Variants in DHX34 observed in about 807,000 individuals in gnomAD.
DHX34 encodes the protein DExH-box helicase 34.
A neutral mutation model predicts 111.1 loss-of-function variants in DHX34; 96 were observed. The ratio of observed to expected loss-of-function variants is 0.86; its 90% CI spans 0.73 to 1.02. DHX34 has a LOEUF of 1.02. Among genes scored for constraint, DHX34 ranks in the 50% least tolerant of loss-of-function variants. The pLI is 0.00. For synonymous variants in DHX34, 688 were observed against 670.4 expected (o/e 1.03, Z -0.41); for missense variants, 1,560 against 1,579.9 (o/e 0.99, Z 0.21).
chr19:47,375,607 C>T lies in DHX34; in HGVS notation c.2206C>T (p.Arg736Cys), dbSNP rs1278035178. Reference sequence around the variant, plus strand: ...GCACGAGGAGGGCGCGGGGCGCAGGCGCAAGGTGCTGCGGCTGCAGGAGGA... The same window carrying T: ...GCACGAGGAGGGCGCGGGGCGCAGGTGCAAGGTGCTGCGGCTGCAGGAGGA... Reference protein sequence around the residue: ...RQHEEGAGRRRKVLRLQEEQD... With the variant: ...RQHEEGAGRRCKVLRLQEEQD... Residue 736 changes from arginine (R) to cysteine (C), a missense_variant, in exon 10 of 17, where the codon CGC becomes TGC. Transcript: ENST00000328771. 1.5e-5 allele frequency: 23 copies of T among 1,548,292 alleles called. No homozygotes were observed. Among genetic ancestry groups the T allele is most frequent in the Admixed American group, 1.4e-4 (7 of 50,900 alleles).
rs140955733 is a variant in DHX34, at chr19:47,372,819, C to T, written c.1858C>T (p.Arg620Cys). The change falls in exon 8 of 17, where the codon CGC becomes TGC. Residue 620 changes from arginine to cysteine, a missense_variant. Physicochemically the swap from Arg to Cys is radical, Grantham distance 180. Coordinates refer to ENST00000328771, the MANE Select transcript of DHX34 (RefSeq NM_014681.6). ...AALSVQSPFTRSAQSSPECAA... is the reference protein window; with the variant it reads ...AALSVQSPFTCSAQSSPECAA... The stretch of plus-strand genomic sequence containing the variant: ...ACTTAGCGTCCAGTCGCCCTTCACC[C>T]GCAGCGCCCAGAGCAGCCCAGAGTG... 12 of 1,613,094 alleles carry T rather than the reference C, an allele frequency of 7.4e-6. No individual in the cohort carries two copies. The highest frequency in any genetic ancestry group is 2.2e-5 in the East Asian group (1 of 44,884).
At chr19:47,359,096 T>C (rs1599757222) in intron 4 of DHX34, among the ~76,000 whole-genome samples, 1 of 151,576 alleles carries the variant, frequency 6.6e-6, no homozygotes, top group South Asian at 2.1e-4. Context: ...GAAGCTGGAG[T>C]AGGATCAGAG....
chr19:47,354,976 AG>A, intron 2 of DHX34, 62 bp from the exon 3 acceptor site: 1 of 1,576,522 alleles, frequency 6.3e-7, no homozygotes, highest in Non-Finnish European at 8.6e-7. Context: ...CAATTTGGGC[AG>A]GGCCAGGGGC....
intron 9 of DHX34, among the ~76,000 whole-genome samples, chr19:47,373,999 GC>G (rs1243158350): frequency 6.6e-6 from 1 of 152,180 alleles, no homozygotes; most frequent in African/African-American, 2.4e-5. Context: ...GTTGGAGGCA[GC>G]CTACGGTTGT....
At chr19:47,371,143 A>G (rs1969953823) in intron 7 of DHX34, among the ~76,000 whole-genome samples, 1 of 152,172 alleles carries the variant, frequency 6.6e-6, no homozygotes, top group Admixed American at 6.5e-5. Context: ...CAGTGTGTAG[A>G]TGGGGAAACT....
chr19:47,373,476 C>T (rs1197125511), intron 8 of DHX34, 123 bp from the exon 9 acceptor site: 5 of 1,462,210 alleles, frequency 3.4e-6, no homozygotes, highest in African/African-American at 2.8e-5. Flanking sequence ...GGGGCTGAGA[C>T]CTGGAAGCAG....
chr19:47,377,318 GC>G, intron 13 of DHX34, 112 bp downstream of exon 13: 1 of 1,151,168 alleles, frequency 8.7e-7, no homozygotes, highest in Non-Finnish European at 1.2e-6. Flanking sequence ...ACCTGGGCTG[GC>G]CGCAGGCGTC....
At position 47,375,924 on chromosome 19, in the gene DHX34, G is replaced by C. The variant is rs1019566690; in HGVS notation, c.2308G>C (p.Asp770His). 3 of 1,601,332 alleles carry C rather than the reference G, an allele frequency of 1.9e-6. No individual in the cohort carries two copies. Among genetic ancestry groups the C allele is most frequent in the Non-Finnish European group, 2.5e-6 (3 of 1,177,008 alleles). Residue 770 changes from aspartate to histidine, a missense_variant and splice_region_variant, in exon 11 of 17, where the codon GAT becomes CAT. By Grantham distance (81) the Asp-to-His change is moderately conservative (BLOSUM62 -1). Transcript: ENST00000328771. ...CTCTGCCTCCCCGTGCTCCCCCCAG[G>C]ATGTGAAGTTCAAGCTTCGGCATGA... ...PGASDGVDIQ[D>H]VKFKLRHDLA...
chr19:47,351,797 C>T (rs77264230), intron 1 of DHX34, among the ~76,000 whole-genome samples: 1,877 of 152,264 alleles, frequency 0.012, 19 homozygotes, highest in Middle Eastern at 0.034. Flanking sequence ...ACTACTAAGA[C>T]TGGCCAGGTC....
In DHX34 at chr19:47,375,585, C is replaced by G. The variant is rs79484248; in HGVS notation, c.2184C>G (p.His728Gln). Residue 728 changes from histidine to glutamine, a missense_variant, in exon 10 of 17, where the codon CAC (histidine) becomes CAG (glutamine). Coordinates refer to ENST00000328771, the MANE Select transcript of DHX34 (RefSeq NM_014681.6). The part of the protein sequence containing the change: ...RRALHQLKRQ[H>Q]EEGAGRRRKV... Reference sequence around the variant, plus strand: ...CCCTGCACCAGCTGAAACGCCAGCACGAGGAGGGCGCGGGGCGCAGGCGCA... The same window carrying G: ...CCCTGCACCAGCTGAAACGCCAGCAGGAGGAGGGCGCGGGGCGCAGGCGCA... 2.1e-5 allele frequency: 32 copies of G among 1,546,136 alleles called. No individual in the cohort carries two copies. The highest frequency in any genetic ancestry group is 1.2e-4 in the Admixed American group (6 of 50,782).
In DHX34 at chr19:47,381,340, T is replaced by G. The variant is rs746755299; in HGVS notation, c.3298+16T>G. The G allele has an allele frequency of 1.2e-6, 2 of 1,606,064 alleles. No homozygotes were observed. The highest frequency in any genetic ancestry group is 1.7e-6 in the Non-Finnish European group (2 of 1,174,934). On this transcript the variant is annotated intron_variant, in intron 16 of 16. Coordinates refer to ENST00000328771, the MANE Select transcript of DHX34 (RefSeq NM_014681.6). ...GGGCCCCCAGGTAAGCACAGGACTGTGGGGACCCGGCCACCTCTGCCCAGC... is the reference window on the plus strand; with the variant it reads ...GGGCCCCCAGGTAAGCACAGGACTGGGGGGACCCGGCCACCTCTGCCCAGC...
intron 10 of DHX34, 44 bp from the exon 11 acceptor site, chr19:47,375,880 C>T: frequency 6.5e-7 from 1 of 1,547,122 alleles, no homozygotes; most frequent in East Asian, 2.3e-5. Flanking sequence ...ATGGTAGGAG[C>T]CCCTCAGGTC....
chr19:47,362,410 C>T (rs1040406505), intron 5 of DHX34, 66 bp from the exon 6 acceptor site: 4 of 1,432,530 alleles, frequency 2.8e-6, no homozygotes, highest in South Asian at 1.5e-5. Context: ...TGACAAGAGC[C>T]AGGCGCGTGG....
rs1002139405 is a variant in DHX34 at position 47,360,062 on chromosome 19, T to C, written c.1367T>C (p.Val456Ala). The C allele has an allele frequency of 1.9e-6, 3 of 1,613,930 alleles. No individual in the cohort carries two copies. The highest frequency in any genetic ancestry group is 2.5e-6 in the Non-Finnish European group (3 of 1,179,928). ...ACCATTGACGGGATCCGCTTCGTAG[T>C]AGATTCCGGTAAGGACCACCATGAG... ...SVTIDGIRFV[V>A]DSGKVKEMSY... The change falls in exon 5 of 17, where the codon GTA (valine) becomes GCA (alanine). Residue 456 changes from valine (V) to alanine (A), a missense_variant. By Grantham distance (64) the Val-to-Ala change is moderately conservative. Coordinates refer to ENST00000328771, the MANE Select transcript of DHX34 (RefSeq NM_014681.6).
chr19:47,379,870 G>A lies in DHX34; in HGVS notation c.2867G>A (p.Arg956Gln), dbSNP rs1233422179. The change falls in exon 14 of 17, where the codon CGG becomes CAG. Residue 956 changes from arginine to glutamine, a missense_variant. Physicochemically the swap from Arg to Gln is conservative, Grantham distance 43. Transcript: ENST00000328771. ...GCCCGCTGGGAAAGTGCCCTGGACC[G>A]GCAGCTGGCGCACCAGGCCCAGCAG... ...LRARWESALDRQLAHQAQQQL... is the reference protein window; with the variant it reads ...LRARWESALDQQLAHQAQQQL... The A allele has an allele frequency of 8.7e-6, 14 of 1,613,448 alleles. No homozygotes were observed. The highest frequency in any genetic ancestry group is 5.0e-5 in the Admixed American group (3 of 59,964).
intron 9 of DHX34, 139 bp downstream of exon 9, chr19:47,373,839 AC>A: frequency 1.7e-6 from 2 of 1,143,362 alleles, no homozygotes; most frequent in Non-Finnish European, 2.4e-6. Context: ...CCACCCGGTG[AC>A]CAGGTGTTGG....
chr19:47,377,176 G>A lies in DHX34; in HGVS notation c.2676G>A (p.Leu892=), dbSNP rs957769932. 1.2e-6 allele frequency: 2 copies of A among 1,613,918 alleles called. No individual in the cohort carries two copies. The highest frequency in any genetic ancestry group is 1.7e-5 in the Admixed American group (1 of 60,004). ...VSLLETNKPY[L]VNCVRIPALQ... ...TGCTGGAGACCAACAAGCCGTACCT[G>A]GTGAACTGCGTCCGCATCCCTGCCC... The change falls in exon 13 of 17, where the codon CTG becomes CTA. Residue 892 remains leucine (L), a synonymous_variant. Transcript: ENST00000328771.
chr19:47,375,997 G>C lies in DHX34; in HGVS notation c.2381G>C (p.Arg794Pro). 6.2e-7 allele frequency: 1 copy of C among 1,605,254 alleles called. No homozygotes were observed. Among genetic ancestry groups the C allele is most frequent in the African/African-American group, 1.3e-5 (1 of 74,528 alleles). The change falls in exon 11 of 17, where the codon CGC becomes CCC. Residue 794 changes from arginine (R) to proline (P), a missense_variant. Arg to Pro is a moderately radical substitution (Grantham distance 103). Coordinates refer to ENST00000328771, the MANE Select transcript of DHX34 (RefSeq NM_014681.6). The part of the protein sequence containing the change: ...AAASSAQDLS[R>P]EQLALLKLVL... ...GCCAGCTCAGCCCAGGACCTGAGCC[G>C]CGAGCAGCTGGCTCTGCTGAAGCTG...
chr19:47,359,920 A>AGTCGGG, intron 4 of DHX34, 48 bp from the exon 5 acceptor site: 1 of 1,613,380 alleles, frequency 6.2e-7, no homozygotes, highest in South Asian at 1.1e-5. Flanking sequence ...CACATAGGTT[A>AGTCGGG]GTCGGGGCTG....
Sources: gnomAD v4.1 joint callset for allele counts (sites outside exome capture counted in the v4.1 genomes callset) on GRCh38, gnomAD v4.1.1 for gene constraint, MANE v1.5 for transcripts, NCBI Gene and HGNC (gene_info 2026-07-23, HGNC 2026-07-21) for gene names.